The following RAB38 variants were observed in gnomAD, a reference collection of about 807,000 sequenced individuals.
RAB38 encodes the protein ras-related protein Rab-38.
RAB38 carries 15 observed loss-of-function variants against 18.4 expected under a neutral mutation model. The ratio of observed to expected loss-of-function variants is 0.82; its 90% CI spans 0.55 to 1.26. The LOEUF is 1.26. Ranked by LOEUF, RAB38 falls within the 50% of genes most tolerant of loss-of-function variation. The pLI, the probability that RAB38 is intolerant of heterozygous loss-of-function variation, is 0.00. For missense variants in RAB38, 294 were observed against 267.4 expected (o/e 1.10, Z -0.69); for synonymous variants, 101 against 104.4 (o/e 0.97, Z 0.20).
At chr11:87,874,435 G>GAC in the RAB38 span, among the ~76,000 whole-genome samples, 3 of 151,250 alleles carry the variant, frequency 2.0e-5, no homozygotes, top group African/African-American at 7.3e-5. Flanking sequence ...GACCTGAACA[G>GAC]ATACCTTTTA....
chr11:87,972,956 G>A, the RAB38 span, among the ~76,000 whole-genome samples: 1 of 151,818 alleles, frequency 6.6e-6, no homozygotes, highest in African/African-American at 2.4e-5. Context: ...TTGTTTAAAA[G>A]TGTGTAGCAC....
chr11:87,863,155 G>A, the RAB38 span, among the ~76,000 whole-genome samples: 2 of 151,732 alleles, frequency 1.3e-5, no homozygotes, highest in African/African-American at 4.8e-5. Flanking sequence ...GGACTAGAAT[G>A]GTCTTCCAAT....
chr11:87,959,022 G>A, the RAB38 span, among the ~76,000 whole-genome samples: 10 of 152,026 alleles, frequency 6.6e-5, no homozygotes, highest in Admixed American at 1.3e-4. Context: ...CTCCTTCTGC[G>A]GAACTGAAAG....
intron 2 of RAB38, among the ~76,000 whole-genome samples, chr11:88,123,616 G>A (rs1942656393): frequency 6.6e-6 from 1 of 152,162 alleles, no homozygotes; most frequent in Non-Finnish European, 1.5e-5. Flanking sequence ...GCAGACATAG[G>A]TTGAAGTCCT....
chr11:87,907,315 A>G, the RAB38 span, among the ~76,000 whole-genome samples: 2 of 151,914 alleles, frequency 1.3e-5, no homozygotes, highest in South Asian at 2.1e-4. Flanking sequence ...GAACATTTTT[A>G]TTTGGTTATG....
At chr11:87,894,635 T>C in the RAB38 span, among the ~76,000 whole-genome samples, 4 of 151,442 alleles carry the variant, frequency 2.6e-5, no homozygotes, top group Non-Finnish European at 3.0e-5. Flanking sequence ...ATTCCTAAAT[T>C]TGAGACAATA....
the RAB38 span, among the ~76,000 whole-genome samples, chr11:88,033,230 C>T: frequency 6.6e-6 from 1 of 151,158 alleles, no homozygotes; most frequent in Non-Finnish European, 1.5e-5. Context: ...ACTGTTGTGG[C>T]GTGGGAGGAG....
chr11:88,053,026 A>T, the RAB38 span, among the ~76,000 whole-genome samples: 154 of 106,952 alleles, frequency 1.4e-3, 10 homozygotes, highest in Admixed American at 7.5e-3. Flanking sequence ...ATATATATGG[A>T]ATATATATAA....
the RAB38 span, among the ~76,000 whole-genome samples, chr11:87,938,947 C>A: frequency 2.0e-5 from 3 of 151,904 alleles, no homozygotes; most frequent in African/African-American, 2.4e-5. Context: ...ACTTCTACAC[C>A]ATGCTCCCAG....
the RAB38 span, among the ~76,000 whole-genome samples, chr11:88,004,804 G>A: frequency 6.6e-6 from 1 of 151,074 alleles, no homozygotes; most frequent in Non-Finnish European, 1.5e-5. Context: ...TCAGGATAAG[G>A]GTTAATATAT....
At chr11:87,905,496 T>C in the RAB38 span, among the ~76,000 whole-genome samples, 1 of 151,972 alleles carries the variant, frequency 6.6e-6, no homozygotes, top group African/African-American at 2.4e-5. Context: ...ACTTGCAGAC[T>C]TAATTTACTT....
the RAB38 span, among the ~76,000 whole-genome samples, chr11:87,931,038 G>A: frequency 1.3e-5 from 2 of 152,090 alleles, no homozygotes; most frequent in African/African-American, 4.8e-5. Flanking sequence ...GGATTGACTT[G>A]GCAATGCGGG....
At chr11:88,148,736 T>C (rs1943023144) in intron 2 of RAB38, among the ~76,000 whole-genome samples, 2 of 152,216 alleles carry the variant, frequency 1.3e-5, no homozygotes, top group African/African-American at 2.4e-5. Flanking sequence ...ACTAGCGTAG[T>C]ACCTGTGCTC....
chr11:88,118,408 A>G (rs777188842), intron 2 of RAB38, among the ~76,000 whole-genome samples: 9 of 152,228 alleles, frequency 5.9e-5, no homozygotes, highest in Non-Finnish European at 1.0e-4. Flanking sequence ...ACCCTGCCTG[A>G]TAGAATTGCA....
chr11:87,959,387 CTCAAAG>C, the RAB38 span, among the ~76,000 whole-genome samples: 1 of 152,112 alleles, frequency 6.6e-6, no homozygotes, highest in African/African-American at 2.4e-5. Context: ...AAATAATCTT[CTCAAAG>C]TCAAATACTA....
At chr11:87,886,574 A>G in the RAB38 span, among the ~76,000 whole-genome samples, 1 of 151,960 alleles carries the variant, frequency 6.6e-6, no homozygotes, top group Admixed American at 6.6e-5. Flanking sequence ...TTTGCAACTA[A>G]TCAAGTATCC....
the RAB38 span, among the ~76,000 whole-genome samples, chr11:87,825,537 G>C: frequency 6.6e-6 from 1 of 152,088 alleles, no homozygotes; most frequent in Non-Finnish European, 1.5e-5. Flanking sequence ...AAGGAAACCA[G>C]TGCAGTTGGA....
the RAB38 span, among the ~76,000 whole-genome samples, chr11:88,027,910 G>T: frequency 6.6e-6 from 1 of 152,168 alleles, no homozygotes; most frequent in Non-Finnish European, 1.5e-5. Context: ...ATCTGAGAAT[G>T]GGCAGACTGC....
At chr11:87,826,434 T>C in the RAB38 span, among the ~76,000 whole-genome samples, 1 of 152,150 alleles carries the variant, frequency 6.6e-6, no homozygotes, top group Non-Finnish European at 1.5e-5. Context: ...TTTTATTACT[T>C]AAAAGCATAT....
Sources: gnomAD v4.1 joint callset for allele counts (sites outside exome capture counted in the v4.1 genomes callset) on GRCh38, gnomAD v4.1.1 for gene constraint, MANE v1.5 for transcripts, NCBI Gene and HGNC (gene_info 2026-07-23, HGNC 2026-07-21) for gene names.